Variants in RPAP2 observed in about 807,000 individuals in gnomAD.
The protein encoded by RPAP2 is RNA polymerase II associated protein 2, also known as putative RNA polymerase II subunit B1 CTD phosphatase RPAP2.
In RPAP2, 52 loss-of-function variants were observed where a neutral mutation model predicts 73.1. That is an observed-to-expected ratio of 0.71 (90% CI 0.57 to 0.90). RPAP2 has a LOEUF of 0.90. RPAP2 is among the 40% of genes least tolerant of loss of function. RPAP2 has a pLI of 0.00. For missense variants in RPAP2, 598 were observed against 701.8 expected (o/e 0.85, Z 1.67); for synonymous variants, 225 against 242.1 (o/e 0.93, Z 0.65).
rs143445772 is a variant in RPAP2, at chr1:92,329,940, A to C, written c.1456-3451A>C. On this transcript the variant is annotated intron_variant, in intron 8 of 12. Coordinates refer to ENST00000610020, the MANE Select transcript of RPAP2 (RefSeq NM_024813.3). ...TATAGGACTGTTTTCCAAAGCGTGA[A>C]AATGTGGTCAGAATGAAGGAAACCA... Among the ~76,000 whole-genome samples the C allele has an allele frequency of 5.9e-3, 900 of 152,304 alleles. 8 individuals carry two copies. Among genetic ancestry groups the C allele is most frequent in the African/African-American group, 0.019 (794 of 41,572 alleles).
At chr1:92,300,675 G>C (rs1279480653) in intron 2 of RPAP2, among the ~76,000 whole-genome samples, 2 of 152,196 alleles carry the variant, frequency 1.3e-5, no homozygotes, top group African/African-American at 4.8e-5. Flanking sequence ...ATCACACAGA[G>C]TTTCTAGAAG....
rs576547917 is a variant in RPAP2, at chr1:92,310,655, G to A, written c.488+3379G>A. Among the ~76,000 whole-genome samples, 7 of 152,166 alleles carry A rather than the reference G, an allele frequency of 4.6e-5. No individual in the cohort carries two copies. In the South Asian group the frequency reaches 1.5e-3, roughly 32 times the overall value. ...ACTCACGCCCGTAATCCCAGCATTT[G>A]GGAGGCCGAGACTGGTGGATCACCT... On this transcript the variant is annotated intron_variant, in intron 6 of 12. Coordinates refer to ENST00000610020, the MANE Select transcript of RPAP2 (RefSeq NM_024813.3).
chr1:92,343,455 A>G lies in RPAP2; in HGVS notation c.1620-2391A>G, dbSNP rs565578585. Among the ~76,000 whole-genome samples the G allele has an allele frequency of 3.9e-5, 6 of 152,334 alleles. No homozygotes were observed. The South Asian group carries it at 1.2e-3, about 32-fold the overall frequency. ...AACCCATATCTTTCAGACTCTAACC[A>G]TTATATACTGTACTTCCTATCATCT... On this transcript the variant is annotated intron_variant, in intron 10 of 12. Transcript: ENST00000610020.
intron 6 of RPAP2, among the ~76,000 whole-genome samples, chr1:92,314,718 G>A (rs979055903): frequency 1.3e-5 from 2 of 150,624 alleles, no homozygotes; most frequent in Middle Eastern, 3.2e-3. Flanking sequence ...ACTACAGCCT[G>A]GGCAACAGAG....
At chr1:92,317,131 C>T (rs973937015) in intron 6 of RPAP2, among the ~76,000 whole-genome samples, 9 of 152,110 alleles carry the variant, frequency 5.9e-5, no homozygotes, top group African/African-American at 1.2e-4. Flanking sequence ...TGGCCTAATT[C>T]GAATCCTAGA....
At position 92,336,337 on chromosome 1, in the gene RPAP2, A is replaced by T. The variant is rs990356798; in HGVS notation, c.1539-10A>T. ...TTGTTTTAAAATAAATGTAATTTTTAAATTTTCAGGTTGCCTGGGCTTCTG... is the reference window on the plus strand; with the variant it reads ...TTGTTTTAAAATAAATGTAATTTTTTAATTTTCAGGTTGCCTGGGCTTCTG... On this transcript the variant is annotated splice_polypyrimidine_tract_variant and intron_variant, in intron 9 of 12. Transcript: ENST00000610020. The T allele has an allele frequency of 6.3e-7, 1 of 1,593,206 alleles. No homozygotes were observed. Among genetic ancestry groups the T allele is most frequent in the Non-Finnish European group, 8.6e-7 (1 of 1,166,126 alleles).
chr1:92,375,756 A>G (rs903021963), intron 11 of RPAP2, among the ~76,000 whole-genome samples: 1 of 152,096 alleles, frequency 6.6e-6, no homozygotes, highest in African/African-American at 2.4e-5. Context: ...ACTTGAACCC[A>G]AGAGGCGGAG....
chr1:92,334,741 C>T (rs911416086), intron 9 of RPAP2, among the ~76,000 whole-genome samples: 2 of 152,070 alleles, frequency 1.3e-5, no homozygotes, highest in African/African-American at 4.8e-5. Flanking sequence ...AATCCCAGCA[C>T]TTTGGGAGTC....
chr1:92,381,561 C>T (rs1185051300), intron 12 of RPAP2, among the ~76,000 whole-genome samples: 5 of 146,756 alleles, frequency 3.4e-5, no homozygotes, highest in Non-Finnish European at 7.4e-5. Context: ...TCCTAAGCTA[C>T]AAATGAGATT....
chr1:92,369,413 G>C (rs912783365), intron 11 of RPAP2, among the ~76,000 whole-genome samples: 2 of 152,058 alleles, frequency 1.3e-5, no homozygotes, highest in African/African-American at 4.8e-5. Context: ...TGTGGGAACC[G>C]ATCCTCCCAC....
intron 12 of RPAP2, among the ~76,000 whole-genome samples, chr1:92,381,615 A>G (rs183494534): frequency 3.9e-4 from 45 of 116,408 alleles, no homozygotes; most frequent in Non-Finnish European, 6.0e-4. Flanking sequence ...AACGTTTTTT[A>G]AATTATAAAA....
chr1:92,359,887 T>C (rs1400884341), intron 11 of RPAP2, among the ~76,000 whole-genome samples: 1 of 152,032 alleles, frequency 6.6e-6, no homozygotes, highest in Non-Finnish European at 1.5e-5. Context: ...GCCTGAAGAA[T>C]ACAGAGAAAG....
intron 11 of RPAP2, among the ~76,000 whole-genome samples, chr1:92,351,305 CAAAAAAAAAAAA>C (rs60111119): frequency 0.06 from 5,266 of 87,078 alleles, 293 homozygotes; most frequent in African/African-American, 0.18. Flanking sequence ...GACTCTGTCT[CAAAAAAAAAAAA>C]AAAAAAAAAA....
chr1:92,344,419 T>C (rs746251468), intron 10 of RPAP2, among the ~76,000 whole-genome samples: 1 of 152,152 alleles, frequency 6.6e-6, no homozygotes, highest in Non-Finnish European at 1.5e-5. Context: ...AAGAAAATGC[T>C]ATACGATGTT....
At position 92,318,498 on chromosome 1, in the gene RPAP2, T is replaced by C. The variant is rs539063070; in HGVS notation, c.489-2101T>C. 3.8e-3 allele frequency among the ~76,000 whole-genome samples: 573 copies of C among 152,298 alleles called. 1 individual carries two copies. The highest frequency in any genetic ancestry group is 6.2e-3 in the Non-Finnish European group (419 of 68,028). ...ATGTTTTTCCCACCTTTTTTTTCTT[T>C]CTTACTGACTATAGAATAGACCTTT... On this transcript the variant is annotated intron_variant, in intron 6 of 12. Coordinates refer to ENST00000610020, the MANE Select transcript of RPAP2 (RefSeq NM_024813.3).
intron 10 of RPAP2, among the ~76,000 whole-genome samples, chr1:92,345,630 A>T (rs1571100184): frequency 6.6e-6 from 1 of 152,060 alleles, no homozygotes; most frequent in African/African-American, 2.4e-5. Flanking sequence ...AACATATAAA[A>T]GTGGGGCTGG....
At position 92,390,649 on chromosome 1, in the gene RPAP2, C is replaced by T. The variant is rs1471888167; in HGVS notation, c.*3638C>T. The T allele has an allele frequency of 6.6e-6, 1 of 152,100 alleles. No individual in the cohort carries two copies. Among genetic ancestry groups the T allele is most frequent in the African/African-American group, 2.4e-5 (1 of 41,410 alleles). 9.4% of individuals were successfully genotyped at this position (152,100 alleles called of 1,614,324 possible). ...ATCAGTGAGCTATATTCAGGAGACCCATCTCATGTGCAAAGACACACATAG... is the reference window on the plus strand; with the variant it reads ...ATCAGTGAGCTATATTCAGGAGACCTATCTCATGTGCAAAGACACACATAG... On this transcript the variant is annotated 3_prime_UTR_variant, in exon 13 of 13. Coordinates refer to ENST00000610020, the MANE Select transcript of RPAP2 (RefSeq NM_024813.3).
intron 7 of RPAP2, 70 bp from the exon 8 acceptor site, chr1:92,323,375 C>A: frequency 8.6e-7 from 1 of 1,167,784 alleles, no homozygotes; most frequent in Non-Finnish European, 1.2e-6. Context: ...GGGTACTTTA[C>A]TTTTCTATTG....
At chr1:92,349,643 C>G (rs1247723533) in intron 11 of RPAP2, among the ~76,000 whole-genome samples, 3 of 152,124 alleles carry the variant, frequency 2.0e-5, no homozygotes, top group African/African-American at 7.2e-5. Context: ...TTTTTTAAAT[C>G]TGTGCCAGGT....
Sources: gnomAD v4.1 joint callset for allele counts (sites outside exome capture counted in the v4.1 genomes callset) on GRCh38, gnomAD v4.1.1 for gene constraint, MANE v1.5 for transcripts, NCBI Gene and HGNC (gene_info 2026-07-23, HGNC 2026-07-21) for gene names.